DNAH5: variants seen among roughly 807,000 people sequenced by gnomAD.
The protein encoded by DNAH5 is axonemal beta dynein heavy chain 5.
In DNAH5, 372 loss-of-function variants were observed where a neutral mutation model predicts 518.2. That is an observed-to-expected ratio of 0.72 (90% CI 0.66 to 0.78). DNAH5 has a LOEUF of 0.78. Ranked by LOEUF, DNAH5 falls within the 30% of genes least tolerant of loss-of-function variation. DNAH5 has a pLI of 0.00. For missense variants in DNAH5, 5,523 were observed against 5,687.0 expected (o/e 0.97, Z 0.93); for synonymous variants, 2,039 against 2,025.9 (o/e 1.01, Z -0.17).
intron 22 of DNAH5, 113 bp downstream of exon 22, chr5:13,876,571 A>G (rs1770917919): frequency 2.2e-5 from 29 of 1,292,890 alleles, no homozygotes; most frequent in Non-Finnish European, 3.1e-5. Context: ...ATGCTCCCTG[A>G]AAGCACAGTG....
At chr5:13,710,249 C>T (rs1032967132) in intron 75 of DNAH5, among the ~76,000 whole-genome samples, 1 of 152,054 alleles carries the variant, frequency 6.6e-6, no homozygotes, top group African/African-American at 2.4e-5. Context: ...GAAGCCACAT[C>T]CATAGGAAAA....
At chr5:13,806,365 C>T (rs1041455867) in intron 47 of DNAH5, among the ~76,000 whole-genome samples, 5 of 152,050 alleles carry the variant, frequency 3.3e-5, no homozygotes, top group Admixed American at 2.6e-4. Context: ...AATCCTGTCT[C>T]CTCCAGAAGA....
Position 13,701,391 on chromosome 5 carries a change from T to A in DNAH5, c.13384A>T (p.Ile4462Leu), listed in dbSNP as rs377600476. 1 of 1,613,788 alleles carries A rather than the reference T, an allele frequency of 6.2e-7. No homozygotes were observed. The highest frequency in any genetic ancestry group is 1.7e-5 in the Admixed American group (1 of 59,988). The change falls in exon 77 of 79, where the codon ATA becomes TTA. Residue 4462 changes from isoleucine (I) to leucine (L), a missense_variant. By Grantham distance (5) the Ile-to-Leu change is conservative. Coordinates refer to ENST00000265104, the MANE Select transcript of DNAH5 (RefSeq NM_001369.3). ...GAGGTAAACTGGCTGTTTCTTTCTA[T>A]AAGTTCAGTAAACCAGAAACCCAGT... ...STLGFWFTEL[I>L]ERNSQFTSWV...
intron 47 of DNAH5, among the ~76,000 whole-genome samples, chr5:13,802,425 C>A (rs1379616804): frequency 6.6e-6 from 1 of 152,086 alleles, no homozygotes; most frequent in Non-Finnish European, 1.5e-5. Flanking sequence ...TTTATAATTC[C>A]TAGAAATTAA....
At chr5:13,850,312 G>A (rs1766652306) in intron 31 of DNAH5, among the ~76,000 whole-genome samples, 1 of 152,090 alleles carries the variant, frequency 6.6e-6, no homozygotes, top group Admixed American at 6.5e-5. Context: ...TTCATATAAT[G>A]AGTATAATAA....
At chr5:13,730,160 A>G (rs904316717) in intron 68 of DNAH5, among the ~76,000 whole-genome samples, 4 of 152,214 alleles carry the variant, frequency 2.6e-5, no homozygotes, top group African/African-American at 9.6e-5. Flanking sequence ...GCTAACCACA[A>G]CAAACATTTC....
chr5:13,820,872 T>C (rs115384889), intron 40 of DNAH5, among the ~76,000 whole-genome samples: 4,232 of 148,576 alleles, frequency 0.028, 89 homozygotes, highest in Non-Finnish European at 0.043. Flanking sequence ...CAATTTACCA[T>C]TGTGCCACAA....
chr5:13,894,902 A>G, intron 15 of DNAH5, 81 bp from the exon 16 acceptor site: 1 of 1,513,470 alleles, frequency 6.6e-7, no homozygotes, highest in Non-Finnish European at 9.1e-7. Flanking sequence ...ATACAAAATG[A>G]CTACTTTTAT....
At chr5:13,818,996 G>C (rs1266428569) in intron 41 of DNAH5, among the ~76,000 whole-genome samples, 1 of 152,104 alleles carries the variant, frequency 6.6e-6, no homozygotes, top group African/African-American at 2.4e-5. Context: ...ATTCTTCTTT[G>C]CAAGGAACTT....
At chr5:13,964,258 A>G (rs1781388146) in intron 1 of DNAH5, among the ~76,000 whole-genome samples, 1 of 152,092 alleles carries the variant, frequency 6.6e-6, no homozygotes, top group Non-Finnish European at 1.5e-5. Context: ...CATTGCAAGG[A>G]CTGAGCACCT....
chr5:13,778,610 GAAAA>G (rs1169602285), intron 53 of DNAH5, among the ~76,000 whole-genome samples: 1 of 149,374 alleles, frequency 6.7e-6, no homozygotes, highest in African/African-American at 2.5e-5. Flanking sequence ...GAGAGAGAAA[GAAAA>G]AGAAAGAAAG....
chr5:13,695,165 T>C (rs781540949), intron 78 of DNAH5, among the ~76,000 whole-genome samples: 1 of 152,228 alleles, frequency 6.6e-6, no homozygotes. Flanking sequence ...TGAGTTCAAT[T>C]TGTGGCATAT....
chr5:13,873,024 G>C (rs1770354772), intron 22 of DNAH5, among the ~76,000 whole-genome samples: 1 of 152,128 alleles, frequency 6.6e-6, no homozygotes, highest in Non-Finnish European at 1.5e-5. Context: ...CATTATTTGG[G>C]TGATGGATAC....
chr5:13,793,990 C>G lies in DNAH5; in HGVS notation c.7956G>C (p.Met2652Ile). 1 of 1,614,066 alleles carries G rather than the reference C, an allele frequency of 6.2e-7. No homozygotes were observed. Among genetic ancestry groups the G allele is most frequent in the Non-Finnish European group, 8.5e-7 (1 of 1,179,972 alleles). Reference protein sequence around the residue: ...TTYGPPAGKKMTVFIDDVNMP... With the variant: ...TTYGPPAGKKITVFIDDVNMP... ...TATTCACATCATCAATAAAAACAGT[C>G]ATCTTCTTTCCCGCAGGAGGGCCAT... Residue 2652 changes from methionine (M) to isoleucine (I), a missense_variant, in exon 48 of 79, where the codon ATG becomes ATC. Around this residue, in one of 3 missense-constraint regions of DNAH5, gnomAD observed 5,121 missense variants for 5,223.3 expected, o/e 0.98. Coordinates refer to ENST00000265104, the MANE Select transcript of DNAH5 (RefSeq NM_001369.3).
In DNAH5 at chr5:13,845,145, A is replaced by T. The variant is rs1765797605; in HGVS notation, c.5115-152T>A. ...ACTTCTCACTGTTTTTAATTTTTCA[A>T]TTTTTTAAGAATGTTTTCAAATAAC... On this transcript the variant is annotated intron_variant, in intron 31 of 78. Transcript: ENST00000265104. The T allele has an allele frequency of 6.8e-6, 5 of 737,210 alleles. No individual in the cohort carries two copies. The South Asian group carries it at 9.2e-5, about 14-fold the overall frequency. The allele number at this position is 737,210 out of a possible 1,614,324, so 45.7% of individuals were successfully genotyped here. A position where few individuals can be genotyped will look rare whatever the true frequency, so the allele number is the denominator to read the frequency against.
intron 63 of DNAH5, 124 bp from the exon 64 acceptor site, chr5:13,752,413 A>G: frequency 8.4e-7 from 1 of 1,186,874 alleles, no homozygotes; most frequent in Non-Finnish European, 1.2e-6. Flanking sequence ...TTGAGCATCC[A>G]AAATGTTCCC....
chr5:13,767,656 T>G (rs909431735), intron 58 of DNAH5, among the ~76,000 whole-genome samples: 6 of 152,174 alleles, frequency 3.9e-5, no homozygotes, highest in Non-Finnish European at 7.3e-5. Context: ...TTAAAAATAA[T>G]TTTCAAACAG....
At chr5:13,944,260 G>T in intron 1 of DNAH5, 122 bp downstream of exon 1, 1 of 950,622 alleles carries the variant, frequency 1.1e-6, no homozygotes, top group Non-Finnish European at 1.7e-6. Flanking sequence ...GTTAAAAAAT[G>T]TGTTTCTCGC....
chr5:13,899,956 A>G (rs1774361198), intron 15 of DNAH5: 3 of 508,892 alleles, frequency 5.9e-6, no homozygotes, highest in East Asian at 6.9e-5. Flanking sequence ...TGCCTTTTTC[A>G]GTGGCTCGAA....
Sources: gnomAD v4.1 joint callset for allele counts (sites outside exome capture counted in the v4.1 genomes callset) on GRCh38, gnomAD v4.1.1 for gene constraint, gnomAD v4.1.1 regional missense constraint, MANE v1.5 for transcripts, NCBI Gene and HGNC (gene_info 2026-07-23, HGNC 2026-07-21) for gene names.